Variants in EXTL2 observed in about 807,000 individuals in gnomAD.
The protein encoded by EXTL2 is exostosin like glycosyltransferase 2.
A neutral mutation model predicts 30.7 loss-of-function variants in EXTL2; 23 were observed. That is an observed-to-expected ratio of 0.75 (90% CI 0.54 to 1.06). The LOEUF (loss-of-function observed/expected upper bound fraction) is 1.06. EXTL2 is among the 50% of genes least tolerant of loss of function. The pLI is 0.00. For synonymous variants in EXTL2, 123 were observed against 133.8 expected (o/e 0.92, Z 0.56); for missense variants, 352 against 396.3 (o/e 0.89, Z 0.95).
chr1:100,888,665 A>G (rs995384689), intron 2 of EXTL2, 88 bp downstream of exon 2: 49 of 666,048 alleles, frequency 7.4e-5, no homozygotes, highest in South Asian at 5.9e-4. Context: ...CTACTGAACT[A>G]TATACTTAAA....
Position 100,880,147 on chromosome 1 carries a change from G to A in EXTL2, c.6-2244C>T, listed in dbSNP as rs150460910. ...GACATAGAGAGATCATATATACCCC[G>A]TCTTTAACATTTTCCTTTGAAGTTT... is the stretch of plus-strand genomic sequence containing the variant. On this transcript the variant is annotated intron_variant, in intron 2 of 4. Transcript: ENST00000370114. Among the ~76,000 whole-genome samples, 115 of 152,120 alleles carry A rather than the reference G, an allele frequency of 7.6e-4. 1 individual carries two copies. Among genetic ancestry groups the A allele is most frequent in the African/African-American group, 2.6e-3 (107 of 41,508 alleles).
At chr1:100,888,334 A>G (rs756816650) in intron 2 of EXTL2, 1 of 155,162 alleles carries the variant, frequency 6.4e-6, no homozygotes, top group Non-Finnish European at 1.4e-5. Context: ...CATTTAGAAA[A>G]TATGATACAC....
chr1:100,883,074 C>T (rs567744761), intron 2 of EXTL2, among the ~76,000 whole-genome samples: 35 of 152,274 alleles, frequency 2.3e-4, no homozygotes, highest in Non-Finnish European at 4.3e-4. Flanking sequence ...TCTAAACCTT[C>T]TGATGGCACA....
chr1:100,878,005 T>C, intron 2 of EXTL2, 102 bp from the exon 3 acceptor site: 1 of 915,818 alleles, frequency 1.1e-6, no homozygotes, highest in Non-Finnish European at 1.6e-6. Context: ...CTTATTTTAG[T>C]TGATTCAAAT....
At chr1:100,878,750 A>G (rs888616965) in intron 2 of EXTL2, among the ~76,000 whole-genome samples, 30 of 152,144 alleles carry the variant, frequency 2.0e-4, no homozygotes, top group African/African-American at 7.2e-4. Context: ...ATGCTTACAG[A>G]GATTACATGC....
At chr1:100,893,467 C>G (rs865993563) in intron 1 of EXTL2, among the ~76,000 whole-genome samples, 63 of 152,192 alleles carry the variant, frequency 4.1e-4, no homozygotes, top group African/African-American at 1.3e-3. Flanking sequence ...ACAACCCCCC[C>G]CTTTCTTCAT....
intron 2 of EXTL2, among the ~76,000 whole-genome samples, chr1:100,884,469 A>G (rs566118989): frequency 6.6e-6 from 1 of 152,304 alleles, no homozygotes; most frequent in Non-Finnish European, 1.5e-5. Context: ...ATTGGAAGAG[A>G]CGGCTCTACA....
intron 2 of EXTL2, among the ~76,000 whole-genome samples, chr1:100,887,814 T>C (rs747220029): frequency 6.6e-6 from 1 of 152,084 alleles, no homozygotes; most frequent in Non-Finnish European, 1.5e-5. Flanking sequence ...TTCTCCTGCC[T>C]CAGCCTCCCG....
chr1:100,886,409 G>C (rs1030170027), intron 2 of EXTL2, among the ~76,000 whole-genome samples: 3 of 152,212 alleles, frequency 2.0e-5, no homozygotes, highest in African/African-American at 7.2e-5. Context: ...CAGGTTGAAT[G>C]AGCCATTTCT....
intron 2 of EXTL2, 33 bp downstream of exon 2, chr1:100,888,720 G>C (rs1475539944): frequency 1.5e-6 from 2 of 1,338,800 alleles, no homozygotes; most frequent in Admixed American, 3.7e-5. Context: ...TTTTACAACA[G>C]TTAAACAAAA....
chr1:100,874,749 C>T (rs981341161), intron 4 of EXTL2, among the ~76,000 whole-genome samples: 3 of 152,058 alleles, frequency 2.0e-5, no homozygotes, highest in South Asian at 2.1e-4. Context: ...AAATGTGCTG[C>T]GAGAAAAGTT....
Position 100,877,841 on chromosome 1 carries a change from A to G in EXTL2, c.68T>C (p.Leu23Ser), listed in dbSNP as rs761638776. Residue 23 changes from leucine to serine, a missense_variant, in exon 3 of 5, where the codon TTG becomes TCG. Leu to Ser is a moderately radical substitution (Grantham distance 145, BLOSUM62 -2). Coordinates refer to ENST00000370114, the MANE Select transcript of EXTL2 (RefSeq NM_001033025.3). The surrounding 1 kb of genome is among the most constrained non-coding windows in gnomAD (Gnocchi z 4.1). ...VMGIRVLRLS[L>S]VVILVLLLVA... is the part of the protein sequence containing the mutation. ...CAGTAATAATACGAGGATGACCACC[A>G]AAGATAATCGAAGCACTCGAATCCC... is the stretch of plus-strand genomic sequence containing the variant. 9 of 1,601,698 alleles carry G rather than the reference A, an allele frequency of 5.6e-6. No individual in the cohort carries two copies. The African/African-American group carries it at 1.2e-4, about 21-fold the overall frequency.
chr1:100,887,543 A>C (rs1018425860), intron 2 of EXTL2, among the ~76,000 whole-genome samples: 1 of 152,214 alleles, frequency 6.6e-6, no homozygotes, highest in Non-Finnish European at 1.5e-5. Context: ...ACAATGTTTC[A>C]AATCTTTAGA....
intron 1 of EXTL2, among the ~76,000 whole-genome samples, chr1:100,891,157 T>G (rs1650396416): frequency 6.6e-6 from 1 of 152,222 alleles, no homozygotes; most frequent in Admixed American, 6.5e-5. Flanking sequence ...TTTCCCCTCT[T>G]TTTCCTGTAT....
chr1:100,880,968 C>T (rs935442254), intron 2 of EXTL2: 3 of 974,800 alleles, frequency 3.1e-6, no homozygotes, highest in South Asian at 9.5e-5. Context: ...GCTTCCTTCT[C>T]ATGTATTCTT....
intron 1 of EXTL2, among the ~76,000 whole-genome samples, chr1:100,890,623 G>A (rs557155968): frequency 6.6e-6 from 1 of 152,254 alleles, no homozygotes; most frequent in East Asian, 1.9e-4. Flanking sequence ...GATCTCTAGG[G>A]CAGGAGCAAA....
chr1:100,875,898 T>C (rs1649073318), intron 4 of EXTL2, among the ~76,000 whole-genome samples: 1 of 152,080 alleles, frequency 6.6e-6, no homozygotes, highest in Non-Finnish European at 1.5e-5. Context: ...AGCTTTCATG[T>C]ATTTCATTTC....
intron 1 of EXTL2, among the ~76,000 whole-genome samples, chr1:100,892,289 G>A (rs1448626891): frequency 6.6e-6 from 1 of 152,146 alleles, no homozygotes; most frequent in African/African-American, 2.4e-5. Flanking sequence ...GCAGGCAGAA[G>A]GTGGGAGAAG....
chr1:100,877,002 G>A lies in EXTL2; in HGVS notation c.434-138C>T, dbSNP rs1189426826. On this transcript the variant is annotated intron_variant, in intron 3 of 4. Transcript: ENST00000370114. The surrounding 1 kb of genome is among the most constrained non-coding windows in gnomAD (Gnocchi z 4.1). ...AATAAATAAGCAATGTATTCTTGGGGAGATTTGTCCAGTAGAAAATAATTT... is the reference window on the plus strand; with the variant it reads ...AATAAATAAGCAATGTATTCTTGGGAAGATTTGTCCAGTAGAAAATAATTT... The A allele has an allele frequency of 1.7e-6, 1 of 589,258 alleles. No individual in the cohort carries two copies. The highest frequency in any genetic ancestry group is 3.0e-6 in the Non-Finnish European group (1 of 334,478). 36.5% of individuals were successfully genotyped at this position (589,258 alleles called of 1,614,324 possible).
Sources: allele counts gnomAD v4.1 joint callset (sites outside exome capture counted in the v4.1 genomes callset), GRCh38; gene constraint gnomAD v4.1.1; non-coding constraint Gnocchi (gnomAD v3.1); transcripts MANE v1.5; gene names NCBI Gene and HGNC (gene_info 2026-07-23, HGNC 2026-07-21).